The following MRTFB variants were observed in gnomAD, a reference collection of about 807,000 sequenced individuals.
MRTFB encodes myocardin-related transcription factor B.
A neutral mutation model predicts 104.2 loss-of-function variants in MRTFB; 29 were observed. The ratio of observed to expected loss-of-function variants is 0.28; its 90% CI spans 0.21 to 0.38. The LOEUF (loss-of-function observed/expected upper bound fraction) is 0.38, where lower values mean the gene tolerates loss of function less well. Among genes scored for constraint, MRTFB ranks in the 10% least tolerant of loss-of-function variants. The pLI is 1.00. For missense variants in MRTFB, 1,270 were observed against 1,341.6 expected, an observed-to-expected ratio of 0.95 and a Z score of 0.83; for synonymous variants, 535 against 519.5, an observed-to-expected ratio of 1.03 and a Z score of -0.41.
chr16:14,148,283 G>A (rs2038424561), intron 3 of MRTFB, among the ~76,000 whole-genome samples: 1 of 152,038 alleles, frequency 6.6e-6, no homozygotes, highest in Non-Finnish European at 1.5e-5. Context: ...ATTAAAGTGG[G>A]GCTCCGTTTA....
chr16:14,217,254 C>G lies in MRTFB; in HGVS notation c.481C>G (p.Pro161Ala). 1.2e-6 allele frequency: 2 copies of G among 1,612,640 alleles called. No individual in the cohort carries two copies. Among genetic ancestry groups the G allele is most frequent in the Non-Finnish European group, 1.7e-6 (2 of 1,179,472 alleles). ...PMELVEKNIL[P>A]VDSSVKEAII... ...GGAGCTGGTAGAGAAAAACATCCTT[C>G]CTGTGGACTCCAGTGTTAAAGAAGC... Residue 161 changes from proline (P) to alanine (A), a missense_variant, in exon 7 of 17, where the codon CCT becomes GCT. Transcript: ENST00000571589.
At chr16:14,222,649 T>A (rs1224872482) in intron 8 of MRTFB, among the ~76,000 whole-genome samples, 1 of 150,922 alleles carries the variant, frequency 6.6e-6, no homozygotes, top group Non-Finnish European at 1.5e-5. Flanking sequence ...CACTTTGAGA[T>A]GCCAAAGTGA....
intron 2 of MRTFB, among the ~76,000 whole-genome samples, chr16:14,082,769 A>T (rs1445445536): frequency 6.6e-6 from 1 of 152,220 alleles, no homozygotes; most frequent in African/African-American, 2.4e-5. Context: ...CAAAGGAACA[A>T]GACTGTCTTA....
At chr16:14,242,995 C>T (rs1304224699) in intron 10 of MRTFB, among the ~76,000 whole-genome samples, 2 of 151,944 alleles carry the variant, frequency 1.3e-5, no homozygotes, top group Non-Finnish European at 2.9e-5. Flanking sequence ...TACCTGCGGT[C>T]CATAAACACA....
intron 2 of MRTFB, among the ~76,000 whole-genome samples, chr16:14,114,046 G>A (rs2036412039): frequency 6.6e-6 from 1 of 152,162 alleles, no homozygotes; most frequent in Admixed American, 6.5e-5. Flanking sequence ...AGTTCCTTTG[G>A]ATCTTTAGGG....
intron 6 of MRTFB, among the ~76,000 whole-genome samples, chr16:14,216,343 A>G (rs549257776): frequency 1.3e-5 from 2 of 152,390 alleles, no homozygotes; most frequent in African/African-American, 4.8e-5. Context: ...AATTTTGGGT[A>G]GACACCACAT....
rs1404165902 is a variant in MRTFB, at chr16:14,262,805, A to C, written c.*1361A>C. 1.3e-5 allele frequency: 2 copies of C among 152,252 alleles called. No homozygotes were observed. The highest frequency in any genetic ancestry group is 2.9e-5 in the Non-Finnish European group (2 of 68,042). 9.4% of individuals were successfully genotyped at this position (152,252 alleles called of 1,614,324 possible). On this transcript the variant is annotated 3_prime_UTR_variant, in exon 17 of 17. Transcript: ENST00000571589. ...CAAAATGTAAATAACAAAAAACTGA[A>C]ATCTACCAAAAGAGCATGGAGATTT...
intron 2 of MRTFB, among the ~76,000 whole-genome samples, chr16:14,105,525 G>A (rs1356072964): frequency 2.6e-5 from 4 of 151,912 alleles, no homozygotes; most frequent in Admixed American, 6.6e-5. Context: ...AGCCTCCCGA[G>A]TAGCTGGAAC....
intron 2 of MRTFB, among the ~76,000 whole-genome samples, chr16:14,103,030 A>G (rs1459041598): frequency 6.6e-6 from 1 of 152,132 alleles, no homozygotes; most frequent in African/African-American, 2.4e-5. Context: ...TCTACTTTAC[A>G]ATCTTATTCT....
At chr16:14,121,697 G>A (rs1387931901) in intron 2 of MRTFB, among the ~76,000 whole-genome samples, 2 of 152,132 alleles carry the variant, frequency 1.3e-5, no homozygotes, top group African/African-American at 4.8e-5. Context: ...TTTGCAGACT[G>A]TAAAGGTAGC....
chr16:14,098,663 T>C (rs1183803920), intron 2 of MRTFB, among the ~76,000 whole-genome samples: 2 of 152,226 alleles, frequency 1.3e-5, no homozygotes, highest in Non-Finnish European at 2.9e-5. Flanking sequence ...TCCTTTGTTT[T>C]CTTGTAGAAT....
intron 3 of MRTFB, chr16:14,200,956 G>C: frequency 1.4e-6 from 2 of 1,433,604 alleles, no homozygotes; most frequent in Non-Finnish European, 2.0e-6. Flanking sequence ...AAACACTGGA[G>C]ATGATCAGAC....
the MRTFB span, among the ~76,000 whole-genome samples, chr16:14,036,682 T>C: frequency 2.8e-4 from 43 of 151,702 alleles, no homozygotes; most frequent in Admixed American, 8.6e-4. Flanking sequence ...TATAGAAATA[T>C]ATATATAACT....
intron 3 of MRTFB, among the ~76,000 whole-genome samples, chr16:14,194,758 T>A (rs186099509): frequency 1.8e-3 from 268 of 152,012 alleles, no homozygotes; most frequent in Admixed American, 5.5e-3. Flanking sequence ...CCTTTTTAAT[T>A]CTGGCTCTGC....
intron 2 of MRTFB, among the ~76,000 whole-genome samples, chr16:14,093,511 A>T (rs2035199352): frequency 6.6e-6 from 1 of 152,218 alleles, no homozygotes; most frequent in South Asian, 2.1e-4. Flanking sequence ...GTAATTTAGT[A>T]GAGCATTTCT....
the MRTFB span, among the ~76,000 whole-genome samples, chr16:14,027,947 C>T: frequency 6.6e-6 from 1 of 152,150 alleles, no homozygotes; most frequent in African/African-American, 2.4e-5. Context: ...GAGGCTAAGA[C>T]AGGCAGATGG....
At chr16:14,189,414 G>C (rs1033384122) in intron 3 of MRTFB, among the ~76,000 whole-genome samples, 2 of 152,164 alleles carry the variant, frequency 1.3e-5, no homozygotes, top group Non-Finnish European at 2.9e-5. Flanking sequence ...TGAATCCATG[G>C]AAGTTAATTG....
chr16:14,243,698 C>G (rs1033998025), intron 10 of MRTFB, among the ~76,000 whole-genome samples: 2 of 152,142 alleles, frequency 1.3e-5, no homozygotes, highest in South Asian at 2.1e-4. Flanking sequence ...AACTTACACA[C>G]AGAAAAGTAC....
the MRTFB span, among the ~76,000 whole-genome samples, chr16:14,036,932 G>A: frequency 1.3e-5 from 2 of 150,312 alleles, no homozygotes; most frequent in Admixed American, 6.7e-5. Flanking sequence ...AAGTTAATTA[G>A]CTTGTCAAGT....
Sources: gnomAD v4.1 joint callset for allele counts (sites outside exome capture counted in the v4.1 genomes callset) on GRCh38, gnomAD v4.1.1 for gene constraint, MANE v1.5 for transcripts, NCBI Gene and HGNC (gene_info 2026-07-23, HGNC 2026-07-21) for gene names.